Variants in ALPL observed in about 807,000 individuals in gnomAD.
ALPL encodes alkaline phosphatase, tissue-nonspecific isozyme.
Under a neutral mutation model 51.3 loss-of-function variants are expected in ALPL, and 42 were observed. The observed-to-expected ratio is 0.82, with a 90% CI of 0.64 to 1.06. The LOEUF is 1.06. Among genes scored for constraint, ALPL ranks in the 50% least tolerant of loss-of-function variants. The pLI, the probability that ALPL is intolerant of heterozygous loss-of-function variation, is 0.00. For missense variants in ALPL, 589 were observed against 709.4 expected (o/e 0.83, Z 1.93); for synonymous variants, 279 against 296.4 (o/e 0.94, Z 0.60).
At position 21,575,731 on chromosome 1, in the gene ALPL, A is replaced by G. The variant is rs1057516622; in HGVS notation, c.998-2A>G. ...CCGAGGCCTTTGCCTTGGTGTCCCA[A>G]GGAGGCAGAATTGACCACGGGCACC... On this transcript the variant is annotated splice_acceptor_variant, in intron 9 of 11. Coordinates refer to ENST00000374840, the MANE Select transcript of ALPL (RefSeq NM_000478.6). LOFTEE classifies it high-confidence loss of function. 1.2e-6 allele frequency: 2 copies of G among 1,614,008 alleles called. No individual in the cohort carries two copies. The highest frequency in any genetic ancestry group is 1.7e-5 in the Admixed American group (1 of 60,016).
chr1:21,564,264 C>G lies in ALPL; in HGVS notation c.648+48C>G. 3.1e-6 allele frequency: 5 copies of G among 1,606,484 alleles called. No homozygotes were observed. The highest frequency in any genetic ancestry group is 4.2e-6 in the Non-Finnish European group (5 of 1,177,352). ...GCAGGGACGGGGTGAGGCGGGGCCT[C>G]TGGTGGGCAGGAGGCCTCAGGCCCA... On this transcript the variant is annotated intron_variant, in intron 6 of 11. Transcript: ENST00000374840. The surrounding 1 kb of genome is among the most constrained non-coding windows in gnomAD (Gnocchi z 5.8).
At chr1:21,535,845 G>T (rs1326236622) in intron 1 of ALPL, among the ~76,000 whole-genome samples, 1 of 152,246 alleles carries the variant, frequency 6.6e-6, no homozygotes, top group Non-Finnish European at 1.5e-5. Flanking sequence ...GGCCCAGGCA[G>T]ATCTGGAGAC....
intron 1 of ALPL, among the ~76,000 whole-genome samples, chr1:21,528,969 C>T (rs1177485658): frequency 1.3e-5 from 2 of 151,222 alleles, no homozygotes; most frequent in East Asian, 2.0e-4. Context: ...ACTCAGGAGG[C>T]TGAGGCAGAG....
chr1:21,525,763 G>A lies in ALPL; in HGVS notation c.-105+16246G>A, dbSNP rs139567728. On this transcript the variant is annotated intron_variant, in intron 1 of 11. Coordinates refer to ENST00000374840, the MANE Select transcript of ALPL (RefSeq NM_000478.6). ...AGCACTTTGGGAGGCCAAGGCCAGT[G>A]GATCACCTGAGGTCAGGAGTTCGAG... Among the ~76,000 whole-genome samples, 1,063 of 152,306 alleles carry A rather than the reference G, an allele frequency of 7.0e-3. 8 individuals carry two copies. The highest frequency in any genetic ancestry group is 0.024 in the Middle Eastern group (7 of 294).
intron 1 of ALPL, among the ~76,000 whole-genome samples, chr1:21,546,530 G>A (rs1325961453): frequency 6.6e-6 from 1 of 152,232 alleles, no homozygotes; most frequent in Non-Finnish European, 1.5e-5. Context: ...AGGAGAGATT[G>A]GATCTGGGTT....
chr1:21,558,595 A>G (rs1450580584), intron 2 of ALPL, among the ~76,000 whole-genome samples: 1 of 152,230 alleles, frequency 6.6e-6, no homozygotes, highest in Non-Finnish European at 1.5e-5. Flanking sequence ...CCTGTCGGGC[A>G]GAAGGGCCAA....
At chr1:21,519,879 A>T (rs1643866418) in intron 1 of ALPL, among the ~76,000 whole-genome samples, 1 of 152,138 alleles carries the variant, frequency 6.6e-6, no homozygotes. Context: ...TAAACCCTGC[A>T]CCAAGGAATT....
In ALPL at chr1:21,541,415, G is replaced by T. The variant is rs1428799453; in HGVS notation, c.-104-12563G>T. Among the ~76,000 whole-genome samples, 10 of 152,218 alleles carry T rather than the reference G, an allele frequency of 6.6e-5. No individual in the cohort carries two copies. The South Asian group carries it at 1.2e-3, about 19-fold the overall frequency. On this transcript the variant is annotated intron_variant, in intron 1 of 11. Transcript: ENST00000374840. Reference sequence around the variant, plus strand: ...CAGAGGCAGGATCAGAATCCAGGCAGCCTGGCTCCAGCATCCATCTTCACT... The same window carrying T: ...CAGAGGCAGGATCAGAATCCAGGCATCCTGGCTCCAGCATCCATCTTCACT...
rs1643649098 is a variant in ALPL at position 21,509,932 on chromosome 1, G to T, written c.-105+415G>T. On this transcript the variant is annotated intron_variant, in intron 1 of 11. Transcript: ENST00000374840. The surrounding 1 kb of genome is among the most constrained non-coding windows in gnomAD (Gnocchi z 6.0). ...CTTAGCCGTAGCTCTAGAGACCTGG[G>T]CTGCCAACCCCAAGGCCTCGTGGCC... Among the ~76,000 whole-genome samples the T allele has an allele frequency of 6.6e-6, 1 of 152,220 alleles. No homozygotes were observed. The highest frequency in any genetic ancestry group is 2.1e-4 in the South Asian group (1 of 4,836).
At chr1:21,566,963 C>T (rs1025820706) in intron 6 of ALPL, among the ~76,000 whole-genome samples, 1 of 152,146 alleles carries the variant, frequency 6.6e-6, no homozygotes, top group East Asian at 1.9e-4. Context: ...GGTCAGTAGT[C>T]GATAGAGTCA....
At chr1:21,573,625 C>T (rs1277048387) in intron 8 of ALPL, 40 bp from the exon 9 acceptor site, 1 of 1,610,922 alleles carries the variant, frequency 6.2e-7, no homozygotes. Context: ...AGCCGGGTCA[C>T]AGCCTCTCAG....
chr1:21,560,440 C>T (rs1024349643), intron 2 of ALPL, among the ~76,000 whole-genome samples, 186 bp from the exon 3 acceptor site: 2 of 152,124 alleles, frequency 1.3e-5, no homozygotes, highest in Non-Finnish European at 2.9e-5. Flanking sequence ...GGTCCACAGG[C>T]TTTTCTGGAG....
chr1:21,534,391 G>C (rs1279499745), intron 1 of ALPL, among the ~76,000 whole-genome samples: 2 of 152,216 alleles, frequency 1.3e-5, no homozygotes, highest in Non-Finnish European at 2.9e-5. Flanking sequence ...CAGAACAAAG[G>C]TGGGTTGGAC....
intron 1 of ALPL, among the ~76,000 whole-genome samples, chr1:21,529,030 C>T (rs899253010): frequency 3.4e-5 from 5 of 148,796 alleles, no homozygotes; most frequent in Non-Finnish European, 7.4e-5. Context: ...GATTATGCCA[C>T]TGCACTCCAG....
At chr1:21,534,539 C>T (rs1429745546) in intron 1 of ALPL, among the ~76,000 whole-genome samples, 1 of 152,118 alleles carries the variant, frequency 6.6e-6, no homozygotes, top group Non-Finnish European at 1.5e-5. Context: ...AGACTGAAGC[C>T]TAGGGTAGTG....
chr1:21,570,834 G>A (rs966802714), intron 8 of ALPL, among the ~76,000 whole-genome samples: 1 of 152,156 alleles, frequency 6.6e-6, no homozygotes. Context: ...ATGTGGTGAG[G>A]GCCCAGGGGC....
chr1:21,570,933 G>A (rs978485063), intron 8 of ALPL, among the ~76,000 whole-genome samples: 1 of 152,242 alleles, frequency 6.6e-6, no homozygotes, highest in Non-Finnish European at 1.5e-5. Context: ...CCAAGCAAGT[G>A]GTGGCAAAAT....
chr1:21,563,784 G>A (rs1035230455), intron 5 of ALPL, among the ~76,000 whole-genome samples: 4 of 152,166 alleles, frequency 2.6e-5, no homozygotes, highest in Non-Finnish European at 4.4e-5. Context: ...ATGAAGGGGA[G>A]GACTCCAGCC....
intron 1 of ALPL, among the ~76,000 whole-genome samples, chr1:21,532,438 G>A (rs1015869357): frequency 1.6e-4 from 24 of 152,068 alleles, no homozygotes; most frequent in Non-Finnish European, 2.8e-4. Flanking sequence ...TGATCCGCCC[G>A]CCTCAGCCTC....
Sources: allele counts gnomAD v4.1 joint callset (sites outside exome capture counted in the v4.1 genomes callset), GRCh38; gene constraint gnomAD v4.1.1; non-coding constraint Gnocchi (gnomAD v3.1); transcripts MANE v1.5; gene names NCBI Gene and HGNC (gene_info 2026-07-23, HGNC 2026-07-21).